The following MGLL variants were observed in gnomAD, a reference collection of about 807,000 sequenced individuals.
The protein encoded by MGLL is monoglyceride lipase.
A neutral mutation model predicts 29.1 loss-of-function variants in MGLL; 7 were observed. That is an observed-to-expected ratio of 0.24 (90% CI 0.14 to 0.45). The LOEUF (loss-of-function observed/expected upper bound fraction) is 0.45. Ranked by LOEUF, MGLL falls within the 20% of genes least tolerant of loss-of-function variation. The pLI is 0.99. For missense variants in MGLL, 356 were observed against 413.6 expected (o/e 0.86, Z 1.21); for synonymous variants, 148 against 168.3 (o/e 0.88, Z 0.93).
At chr3:127,721,780 G>A (rs573148205) in intron 4 of MGLL, among the ~76,000 whole-genome samples, 1 of 152,288 alleles carries the variant, frequency 6.6e-6, no homozygotes, top group East Asian at 1.9e-4. Flanking sequence ...TGGGGCAGGA[G>A]GCAAGGCCTG....
At chr3:127,768,129 C>T (rs918181110) in intron 3 of MGLL, among the ~76,000 whole-genome samples, 1 of 152,150 alleles carries the variant, frequency 6.6e-6, no homozygotes, top group African/African-American at 2.4e-5. Flanking sequence ...TGGGATAGTC[C>T]TATTAATAGT....
At chr3:127,720,031 T>G (rs1214422440) in intron 5 of MGLL, among the ~76,000 whole-genome samples, 2 of 152,246 alleles carry the variant, frequency 1.3e-5, no homozygotes, top group Non-Finnish European at 2.9e-5. Flanking sequence ...GGTCATGGGC[T>G]GAAGGAAACC....
intron 3 of MGLL, among the ~76,000 whole-genome samples, chr3:127,757,813 C>T (rs918247245): frequency 1.3e-5 from 2 of 152,170 alleles, no homozygotes; most frequent in Admixed American, 6.5e-5. Flanking sequence ...TGTGTTCAGC[C>T]ACGTGTCATC....
At chr3:127,819,841 C>T in intron 2 of MGLL, among the ~76,000 whole-genome samples, 1 of 152,038 alleles carries the variant, frequency 6.6e-6, no homozygotes, top group Non-Finnish European at 1.5e-5. Context: ...CCCTGAGCCC[C>T]CACCCTAGGA....
At chr3:127,820,846 G>A (rs1050860592) in intron 2 of MGLL, among the ~76,000 whole-genome samples, 3 of 152,260 alleles carry the variant, frequency 2.0e-5, no homozygotes, top group East Asian at 1.9e-4. Context: ...TGTTTTTAAC[G>A]TGCAGCTCCC....
intron 3 of MGLL, among the ~76,000 whole-genome samples, chr3:127,778,535 G>A (rs1303085815): frequency 6.6e-6 from 1 of 152,212 alleles, no homozygotes; most frequent in Non-Finnish European, 1.5e-5. Context: ...ATTAGTGTCT[G>A]AGCCCTTCTG....
intron 2 of MGLL, among the ~76,000 whole-genome samples, chr3:127,795,574 T>C (rs1420474764): frequency 6.6e-6 from 1 of 151,966 alleles, no homozygotes; most frequent in Non-Finnish European, 1.5e-5. Flanking sequence ...AAAAAAAATA[T>C]GAGGAGATGA....
rs900928523 is a variant in MGLL, at chr3:127,692,019, G to A, written c.*179C>T. 14 of 790,866 alleles carry A rather than the reference G, an allele frequency of 1.8e-5. No individual in the cohort carries two copies. The highest frequency in any genetic ancestry group is 2.5e-5 in the Non-Finnish European group (13 of 510,456). 49.0% of individuals were successfully genotyped at this position (790,866 alleles called of 1,614,324 possible). The stretch of plus-strand genomic sequence containing the variant: ...GTCTAACCATTAAGGTAGGTCCAGT[G>A]TCTGATAGTCTAATGTATAACAAAA... On this transcript the variant is annotated 3_prime_UTR_variant, in exon 8 of 8. Coordinates refer to ENST00000265052, the MANE Select transcript of MGLL (RefSeq NM_007283.7).
intron 2 of MGLL, among the ~76,000 whole-genome samples, chr3:127,803,582 A>C (rs1428911525): frequency 1.3e-5 from 2 of 152,212 alleles, no homozygotes; most frequent in African/African-American, 4.8e-5. Context: ...ATGTCAGGGC[A>C]AAAAACAAAA....
At chr3:127,823,157 G>C (rs1362130586), upstream of MGLL, 1 of 151,792 alleles carries the variant, frequency 6.6e-6, no homozygotes, top group Non-Finnish European at 1.5e-5. Flanking sequence ...GGGCCGGGAC[G>C]AGCTGCGCGC....
In MGLL at chr3:127,692,211, G is replaced by A. The variant is rs779794351; in HGVS notation, c.929C>T (p.Ala310Val). ...CGGCCAATGCATTCAGGGTGGGGAC[G>A]CAGTTCCTGCCGTGGCTGTCCTTTG... ...VSQRTATAGT[A>V]SPP Residue 310 changes from alanine (A) to valine (V), a missense_variant, in exon 8 of 8, where the codon GCG becomes GTG. Coordinates refer to ENST00000265052, the MANE Select transcript of MGLL (RefSeq NM_007283.7). The A allele has an allele frequency of 1.2e-5, 20 of 1,610,448 alleles. No homozygotes were observed. The highest frequency in any genetic ancestry group is 6.6e-5 in the South Asian group (6 of 90,930).
intron 3 of MGLL, among the ~76,000 whole-genome samples, chr3:127,731,121 G>T (rs1457240344): frequency 6.6e-6 from 1 of 152,218 alleles, no homozygotes; most frequent in African/African-American, 2.4e-5. Context: ...CATGGAAACA[G>T]AGTTTGTTGA....
intron 6 of MGLL, among the ~76,000 whole-genome samples, chr3:127,700,821 G>C (rs7622033): frequency 0.14 from 21,677 of 152,140 alleles, 1,892 homozygotes; most frequent in East Asian, 0.29. Flanking sequence ...GTGCACACGT[G>C]GAAAGCCCCG....
intron 6 of MGLL, among the ~76,000 whole-genome samples, chr3:127,700,685 A>G (rs778561111): frequency 3.9e-5 from 6 of 152,226 alleles, no homozygotes; most frequent in Non-Finnish European, 8.8e-5. Flanking sequence ...AGGCCAGCAC[A>G]GACCTCACGG....
chr3:127,807,750 CTTTTTTTTTTTTTTTTTTT>C (rs35444871), intron 2 of MGLL, among the ~76,000 whole-genome samples: 2 of 59,464 alleles, frequency 3.4e-5, no homozygotes, highest in South Asian at 1.4e-3. Context: ...TGTGAAAAGT[CTTTTTTTTTTTTTTTTTTT>C]TTTTTTTTTT....
At chr3:127,794,256 C>T (rs778054996) in intron 2 of MGLL, among the ~76,000 whole-genome samples, 1 of 152,094 alleles carries the variant, frequency 6.6e-6, no homozygotes, top group Non-Finnish European at 1.5e-5. Context: ...ACCAGCCTGG[C>T]CAACATGGTG....
intron 2 of MGLL, among the ~76,000 whole-genome samples, chr3:127,801,937 C>A (rs1406675015): frequency 6.6e-6 from 1 of 151,972 alleles, no homozygotes; most frequent in Non-Finnish European, 1.5e-5. Context: ...CAGACAGAGG[C>A]CCACACAGCT....
At chr3:127,822,032 A>G in intron 1 of MGLL, 194 bp from the exon 2 acceptor site, 1 of 691,350 alleles carries the variant, frequency 1.4e-6, no homozygotes, top group South Asian at 2.1e-5. Context: ...TTTGTTCTTA[A>G]GAAAATGCTC....
At chr3:127,784,081 C>T (rs1221508744) in intron 2 of MGLL, 4 of 152,220 alleles carry the variant, frequency 2.6e-5, no homozygotes, top group Non-Finnish European at 5.9e-5. Context: ...CATTTAACAA[C>T]CAAAGAAATG....
Sources: allele counts gnomAD v4.1 joint callset (sites outside exome capture counted in the v4.1 genomes callset), GRCh38; gene constraint gnomAD v4.1.1; transcripts MANE v1.5; gene names NCBI Gene and HGNC (gene_info 2026-07-23, HGNC 2026-07-21).